LEKR1: variants seen among roughly 807,000 people sequenced by gnomAD.
LEKR1 encodes the protein leucine, glutamate and lysine rich 1, also known as protein LEKR1.
LEKR1 carries 59 observed loss-of-function variants against 72.4 expected under a neutral mutation model. That is an observed-to-expected ratio of 0.82 (90% CI 0.66 to 1.01). The LOEUF is 1.01. Among genes scored for constraint, LEKR1 ranks in the 50% least tolerant of loss-of-function variants. The pLI is 0.00. For missense variants in LEKR1, 728 were observed against 759.2 expected (o/e 0.96, Z 0.48); for synonymous variants, 257 against 263.2 (o/e 0.98, Z 0.23).
intron 5 of LEKR1, among the ~76,000 whole-genome samples, chr3:156,940,134 C>A (rs1726072198): frequency 6.6e-6 from 1 of 152,076 alleles, no homozygotes; most frequent in Admixed American, 6.6e-5. Flanking sequence ...AATGCCTTTA[C>A]TAATTTATTA....
At chr3:156,833,907 C>CT (rs755251498) in intron 2 of LEKR1, among the ~76,000 whole-genome samples, 1,866 of 139,170 alleles carry the variant, frequency 0.013, 12 homozygotes, top group African/African-American at 0.028. Flanking sequence ...CCCTTTTTTC[C>CT]TTTTTTTTTT....
At chr3:156,960,511 C>G (rs1211649098) in intron 6 of LEKR1, among the ~76,000 whole-genome samples, 2 of 152,092 alleles carry the variant, frequency 1.3e-5, no homozygotes, top group African/African-American at 4.8e-5. Flanking sequence ...GTCTCAAACT[C>G]CTGACTTCAG....
intron 5 of LEKR1, 77 bp from the exon 6 acceptor site, chr3:156,942,452 A>G: frequency 2.2e-6 from 1 of 445,446 alleles, no homozygotes; most frequent in Non-Finnish European, 3.6e-6. Context: ...ATTTTCTAAA[A>G]GAAACTAATC....
chr3:156,967,050 G>A, intron 6 of LEKR1, among the ~76,000 whole-genome samples: 1 of 152,186 alleles, frequency 6.6e-6, no homozygotes, highest in Non-Finnish European at 1.5e-5. Flanking sequence ...AACTCCAACA[G>A]ACCTGCAGCT....
chr3:156,908,231 T>C (rs925184967), intron 3 of LEKR1, among the ~76,000 whole-genome samples: 1 of 152,146 alleles, frequency 6.6e-6, no homozygotes, highest in East Asian at 1.9e-4. Context: ...TTAATAAATA[T>C]CTTGTGGTAG....
chr3:157,016,189 T>C (rs9859727), intron 10 of LEKR1, among the ~76,000 whole-genome samples: 92,467 of 151,674 alleles, frequency 0.61, 29,135 homozygotes, highest in South Asian at 0.8. Context: ...TGACGGAAAG[T>C]TTTACAAATT....
chr3:156,998,653 C>T (rs1731770646), intron 9 of LEKR1, among the ~76,000 whole-genome samples: 1 of 152,092 alleles, frequency 6.6e-6, no homozygotes, highest in Admixed American at 6.5e-5. Context: ...AAATAATATA[C>T]ATCTGCATCT....
At chr3:156,967,225 C>G (rs918489241) in intron 6 of LEKR1, among the ~76,000 whole-genome samples, 2 of 152,194 alleles carry the variant, frequency 1.3e-5, no homozygotes, top group African/African-American at 4.8e-5. Flanking sequence ...GAACACCTCT[C>G]CTCCTCCAAA....
At chr3:157,004,267 CAGG>C (rs1189304639) in intron 9 of LEKR1, among the ~76,000 whole-genome samples, 2 of 152,090 alleles carry the variant, frequency 1.3e-5, no homozygotes, top group African/African-American at 4.8e-5. Context: ...GTCAACTCAT[CAGG>C]AGGACATAAC....
chr3:156,945,173 G>T (rs986292393), intron 6 of LEKR1, among the ~76,000 whole-genome samples: 1 of 151,852 alleles, frequency 6.6e-6, no homozygotes, highest in South Asian at 2.1e-4. Flanking sequence ...GATCAGTGAT[G>T]TTGAACACCT....
chr3:156,830,294 T>G (rs1004498428), intron 2 of LEKR1, among the ~76,000 whole-genome samples: 5 of 152,220 alleles, frequency 3.3e-5, no homozygotes, highest in African/African-American at 1.2e-4. Context: ...TTCTTGTGTA[T>G]TTTTCATCAT....
At chr3:156,865,616 C>T (rs1354308313) in intron 3 of LEKR1, among the ~76,000 whole-genome samples, 1 of 145,538 alleles carries the variant, frequency 6.9e-6, no homozygotes, top group East Asian at 2.0e-4. Flanking sequence ...TCTATCATTG[C>T]CCATTTTCAA....
In LEKR1 at chr3:156,938,587, G is replaced by T. The variant is rs570257127; in HGVS notation, c.560-3942G>T. Among the ~76,000 whole-genome samples the T allele has an allele frequency of 5.3e-5, 8 of 152,276 alleles. No homozygotes were observed. The South Asian group carries it at 1.7e-3, about 32-fold the overall frequency. On this transcript the variant is annotated intron_variant, in intron 5 of 12. Coordinates refer to ENST00000356539, the MANE Select transcript of LEKR1 (RefSeq NM_001004316.3). Reference sequence around the variant, plus strand: ...AGACAGGGTTTTGCCATGTTGACCAGGCTGGTCTTGAACTGACCTTAGGTG... The same window carrying T: ...AGACAGGGTTTTGCCATGTTGACCATGCTGGTCTTGAACTGACCTTAGGTG...
intron 6 of LEKR1, among the ~76,000 whole-genome samples, chr3:156,969,576 A>G (rs571165651): frequency 3.4e-4 from 52 of 152,362 alleles, no homozygotes; most frequent in African/African-American, 1.2e-3. Context: ...AACCAGGAAG[A>G]AATTGAATCT....
chr3:157,013,827 G>A (rs1015344632), intron 10 of LEKR1, among the ~76,000 whole-genome samples: 1 of 151,968 alleles, frequency 6.6e-6, no homozygotes, highest in Admixed American at 6.6e-5. Context: ...AGAATGAAAT[G>A]TTCTTTTTAC....
At chr3:156,850,736 C>G (rs1164937291) in intron 2 of LEKR1, among the ~76,000 whole-genome samples, 3 of 152,202 alleles carry the variant, frequency 2.0e-5, no homozygotes, top group African/African-American at 7.2e-5. Flanking sequence ...ATGTCCAATC[C>G]TGGTTCACCA....
intron 3 of LEKR1, among the ~76,000 whole-genome samples, chr3:156,871,815 G>A (rs184842714): frequency 9.2e-5 from 14 of 152,148 alleles, no homozygotes; most frequent in Admixed American, 2.6e-4. Flanking sequence ...TTTTTTTGAT[G>A]TGTGGTTGGA....
intron 7 of LEKR1, among the ~76,000 whole-genome samples, chr3:156,984,431 C>G (rs1333093454): frequency 1.3e-5 from 2 of 152,192 alleles, no homozygotes; most frequent in Non-Finnish European, 2.9e-5. Context: ...AATCTCAACA[C>G]TTTGGGAGGC....
chr3:157,030,541 T>A (rs1446094471), intron 12 of LEKR1, among the ~76,000 whole-genome samples: 1 of 152,170 alleles, frequency 6.6e-6, no homozygotes, highest in African/African-American at 2.4e-5. Context: ...AAGCATAGAC[T>A]GAAAGCTCGA....
Sources: allele counts gnomAD v4.1 joint callset (sites outside exome capture counted in the v4.1 genomes callset), GRCh38; gene constraint gnomAD v4.1.1; transcripts MANE v1.5; gene names NCBI Gene and HGNC (gene_info 2026-07-23, HGNC 2026-07-21).